The following PUM2 variants were observed in gnomAD, a reference collection of about 807,000 sequenced individuals.
The protein encoded by PUM2 is pumilio RNA binding family member 2.
A neutral mutation model predicts 124.5 loss-of-function variants in PUM2; 57 were observed. The observed-to-expected ratio is 0.46, with a 90% CI of 0.37 to 0.57. The LOEUF (loss-of-function observed/expected upper bound fraction) is 0.57. Among genes scored for constraint, PUM2 ranks in the 20% least tolerant of loss-of-function variants. The pLI is 0.00. For synonymous variants in PUM2, 460 were observed against 446.1 expected (o/e 1.03, Z -0.39); for missense variants, 1,065 against 1,290.6 (o/e 0.83, Z 2.68).
At position 20,278,593 on chromosome 2, in the gene PUM2, A is replaced by C. The variant is rs1558532233; in HGVS notation, c.1947T>G (p.Ser649Arg). ...TGGTTTTTTTTTTACCTAAATGCAAACTGGATGAGGATCCATGTGATGAAA... is the reference window on the plus strand; with the variant it reads ...TGGTTTTTTTTTTACCTAAATGCAACCTGGATGAGGATCCATGTGATGAAA... ...PSLSSHGSSSSLHLGGLTNGS... is the reference protein window; with the variant it reads ...PSLSSHGSSSRLHLGGLTNGS... Residue 649 changes from serine to arginine, a missense_variant, in exon 13 of 21, where the codon AGT (serine) becomes AGG (arginine). Physicochemically the swap from Ser to Arg is moderately radical, Grantham distance 110. Around this residue, in one of 3 missense-constraint regions of PUM2, gnomAD observed 968 missense variants for 1,159.8 expected, o/e 0.83. Transcript: ENST00000361078. The C allele has an allele frequency of 6.2e-7, 1 of 1,610,714 alleles. No homozygotes were observed. The highest frequency in any genetic ancestry group is 1.1e-5 in the South Asian group (1 of 90,862).
At chr2:20,290,857 A>G in intron 9 of PUM2, 67 bp from the exon 10 acceptor site, 3 of 1,250,806 alleles carry the variant, frequency 2.4e-6, no homozygotes, top group Non-Finnish European at 3.2e-6. Context: ...TATCTTGGAC[A>G]ACTGTGTATT....
At position 20,308,512 on chromosome 2, in the gene PUM2, T is replaced by G. The variant is rs775538369; in HGVS notation, c.591A>C (p.Ser197=). 6.2e-7 allele frequency: 1 copy of G among 1,614,040 alleles called. No individual in the cohort carries two copies. The highest frequency in any genetic ancestry group is 1.3e-5 in the African/African-American group (1 of 74,938). The change falls in exon 6 of 21, where the codon TCA becomes TCC. Residue 197 remains serine, a synonymous_variant. Coordinates refer to ENST00000361078, the MANE Select transcript of PUM2 (RefSeq NM_015317.5). ...GATTAGGAAGAGGCCCCAGTCCTTC[T>G]GAGGGATTAGTATTGGGGCCCAAGC... The part of the protein sequence containing the change: ...VERLGPNTNP[S]EGLGPLPNPT...
intron 13 of PUM2, among the ~76,000 whole-genome samples, chr2:20,272,729 TAGACCAACTAGA>T (rs1301543370): frequency 2.6e-5 from 4 of 152,236 alleles, no homozygotes; most frequent in Non-Finnish European, 4.4e-5. Flanking sequence ...GTTCAATCTT[TAGACCAACTAGA>T]AGAAAGCTGG....
chr2:20,325,567 C>A (rs1683468496), intron 2 of PUM2, among the ~76,000 whole-genome samples: 2 of 150,684 alleles, frequency 1.3e-5, no homozygotes, highest in South Asian at 2.1e-4. Flanking sequence ...ATACAATATA[C>A]ATCTAAGAAG....
chr2:20,269,107 C>T lies in PUM2; in HGVS notation c.1958-5647G>A, dbSNP rs531482831. Among the ~76,000 whole-genome samples the T allele has an allele frequency of 2.0e-5, 3 of 152,092 alleles. No homozygotes were observed. In the South Asian group the frequency reaches 6.3e-4, roughly 32 times the overall value. On this transcript the variant is annotated intron_variant, in intron 13 of 20. Coordinates refer to ENST00000361078, the MANE Select transcript of PUM2 (RefSeq NM_015317.5). ...TTGTCAGTCATACTCTGCTATGCTT[C>T]CTAGAGAATGTTTAATCTCACATGC...
At chr2:20,327,495 C>G in intron 1 of PUM2, 117 bp from the exon 2 acceptor site, 1 of 642,202 alleles carries the variant, frequency 1.6e-6, no homozygotes, top group East Asian at 2.9e-5. Flanking sequence ...GAAAGGGAAG[C>G]ACTGATTTCT....
Position 20,253,910 on chromosome 2 carries a change from G to C in PUM2, c.2975C>G (p.Thr992Ser), listed in dbSNP as rs762119286. The part of the protein sequence containing the change: ...QNDGPHSALY[T>S]MMKDQYANYV... ...ATTGGCATACTGGTCCTTCATCATG[G>C]TGTATAAGGCACTGTGAGGACCATC... Residue 992 changes from threonine (T) to serine (S), a missense_variant, in exon 20 of 21, where the codon ACC (threonine) becomes AGC (serine). By Grantham distance (58) the Thr-to-Ser change is moderately conservative. This residue lies in a region of PUM2 where 968 missense variants were observed against 1,159.8 expected (regional missense o/e 0.83). Coordinates refer to ENST00000361078, the MANE Select transcript of PUM2 (RefSeq NM_015317.5). The C allele has an allele frequency of 1.2e-6, 2 of 1,613,830 alleles. No homozygotes were observed. The highest frequency in any genetic ancestry group is 1.7e-6 in the Non-Finnish European group (2 of 1,179,768).
At position 20,317,025 on chromosome 2, in the gene PUM2, T is replaced by C. The variant is rs199983708; in HGVS notation, c.160+1512A>G. On this transcript the variant is annotated intron_variant, in intron 3 of 20. Coordinates refer to ENST00000361078, the MANE Select transcript of PUM2 (RefSeq NM_015317.5). ...CAGCCTGGGCCACAGAGCGAGACTC[T>C]GTCTCAGGGGAAAAAAAAAAAATTA... is the stretch of plus-strand genomic sequence containing the variant. 9.9e-5 allele frequency among the ~76,000 whole-genome samples: 15 copies of C among 151,880 alleles called. 1 individual carries two copies. In the East Asian group the frequency reaches 1.9e-3, roughly 20 times the overall value.
chr2:20,269,599 T>C (rs1450534705), intron 13 of PUM2, among the ~76,000 whole-genome samples: 1 of 152,212 alleles, frequency 6.6e-6, no homozygotes, highest in East Asian at 1.9e-4. Flanking sequence ...AAAAGTATAA[T>C]CTTCCACATC....
At chr2:20,282,872 G>A in intron 12 of PUM2, 75 bp downstream of exon 12, 1 of 1,429,030 alleles carries the variant, frequency 7.0e-7, no homozygotes, top group East Asian at 2.3e-5. Flanking sequence ...TGCTATTATT[G>A]CTTATTTTAA....
chr2:20,309,795 T>C (rs1240999686), intron 5 of PUM2, among the ~76,000 whole-genome samples: 3 of 152,136 alleles, frequency 2.0e-5, no homozygotes, highest in African/African-American at 7.2e-5. Flanking sequence ...TTTGCTAACA[T>C]ATAGAGTAGT....
chr2:20,323,880 T>G (rs1330076268), intron 2 of PUM2, among the ~76,000 whole-genome samples: 1 of 131,842 alleles, frequency 7.6e-6, no homozygotes, highest in African/African-American at 3.0e-5. Flanking sequence ...CTGAAAATTT[T>G]GAGTATTATT....
At chr2:20,351,899 T>C (rs1414335521), upstream of PUM2, among the ~76,000 whole-genome samples, 1 of 152,082 alleles carries the variant, frequency 6.6e-6, no homozygotes, top group East Asian at 1.9e-4. Flanking sequence ...GGCTCTTCGG[T>C]TTTTAACTAT....
At chr2:20,332,313 GT>G (rs1040417448) in intron 1 of PUM2, among the ~76,000 whole-genome samples, 1 of 150,312 alleles carries the variant, frequency 6.7e-6, no homozygotes, top group Non-Finnish European at 1.5e-5. Flanking sequence ...GTGTGTGTGT[GT>G]GTGTGTGTTT....
At chr2:20,290,844 A>C (rs747350496) in intron 9 of PUM2, 54 bp from the exon 10 acceptor site, 77 of 1,362,546 alleles carry the variant, frequency 5.7e-5, no homozygotes, top group Non-Finnish European at 7.2e-5. Flanking sequence ...AGATAAGTAA[A>C]TTTATCTTGG....
chr2:20,285,941 C>T (rs1232607505), intron 10 of PUM2, among the ~76,000 whole-genome samples: 3 of 151,968 alleles, frequency 2.0e-5, no homozygotes, highest in Non-Finnish European at 4.4e-5. Context: ...TCTAAAGAAA[C>T]TGGGAGAACT....
At chr2:20,285,717 A>C (rs1208774976) in intron 10 of PUM2, among the ~76,000 whole-genome samples, 1 of 152,216 alleles carries the variant, frequency 6.6e-6, no homozygotes, top group Non-Finnish European at 1.5e-5. Flanking sequence ...GGGAAAAATA[A>C]GGAAAAATAT....
intron 2 of PUM2, among the ~76,000 whole-genome samples, chr2:20,325,626 T>C (rs1683493248): frequency 7.0e-6 from 1 of 143,820 alleles, no homozygotes; most frequent in African/African-American, 2.5e-5. Context: ...CTCTTGTTCT[T>C]TTTTTTTTTT....
intron 2 of PUM2, chr2:20,326,425 G>C (rs770085867): frequency 6.1e-6 from 8 of 1,303,764 alleles, no homozygotes; most frequent in South Asian, 4.9e-5. Context: ...TCTCATGAAG[G>C]TCTCTATTCT....
Sources: allele counts gnomAD v4.1 joint callset (sites outside exome capture counted in the v4.1 genomes callset), GRCh38; gene constraint gnomAD v4.1.1; regional missense constraint gnomAD v4.1.1; transcripts MANE v1.5; gene names NCBI Gene and HGNC (gene_info 2026-07-23, HGNC 2026-07-21).